The following TMPRSS6 variants were observed in gnomAD, a reference collection of about 807,000 sequenced individuals.
TMPRSS6 encodes transmembrane serine protease 6.
A neutral mutation model predicts 101.5 loss-of-function variants in TMPRSS6; 67 were observed. The observed-to-expected ratio is 0.66, with a 90% CI of 0.54 to 0.81. The LOEUF is 0.81. Ranked by LOEUF, TMPRSS6 falls within the 30% of genes least tolerant of loss-of-function variation. The probability of loss-of-function intolerance (pLI) is 0.00; values close to 1 mark genes in which losing one functional copy is unlikely to be tolerated. For missense variants in TMPRSS6, 1,034 were observed against 1,088.7 expected (o/e 0.95, Z 0.71); for synonymous variants, 453 against 464.9 (o/e 0.97, Z 0.33).
rs1341399341 is a variant in TMPRSS6, at chr22:37,086,401, G to T, written c.855C>A (p.Arg285=). 3 of 1,595,338 alleles carry T rather than the reference G, an allele frequency of 1.9e-6. No homozygotes were observed. The highest frequency in any genetic ancestry group is 2.6e-6 in the Non-Finnish European group (3 of 1,171,038). Residue 285 remains arginine (R), a synonymous_variant, in exon 8 of 18, where the codon CGC becomes CGA. Coordinates refer to ENST00000676104, the MANE Select transcript of TMPRSS6 (RefSeq NM_001374504.1). ...CCAGAACCTCCACCACGGGCTCCTG[G>T]CGGCTGCAGCCGTACACCCTGGCAG... ...RLITSVYGCS[R]QEPVVEVLAS...
Position 37,073,619 on chromosome 22 carries a change from CTT to C in TMPRSS6, c.1466_1467del (p.Lys489ArgfsTer13). 1 of 1,614,058 alleles carries C rather than the reference CTT, an allele frequency of 6.2e-7. No homozygotes were observed. The highest frequency in any genetic ancestry group is 8.5e-7 in the Non-Finnish European group (1 of 1,179,934). On this transcript the variant is annotated frameshift_variant, in exon 13 of 18. Transcript: ENST00000676104. LOFTEE classifies it high-confidence loss of function. ...GGCAGTGAGATGCATGTGCTGTCCT[CTT>C]TGCACTGGAATGTGGCTCTGCAAAC... ...NCVCRATFQC[K>X]EDSTCISLPK...
At chr22:37,106,211 G>C (rs1930702518) in intron 1 of TMPRSS6, among the ~76,000 whole-genome samples, 1 of 152,126 alleles carries the variant, frequency 6.6e-6, no homozygotes, top group Non-Finnish European at 1.5e-5. Context: ...CAGCAGCACA[G>C]CCAGGCTGCA....
chr22:37,108,522 T>C (rs1930856636), intron 1 of TMPRSS6, among the ~76,000 whole-genome samples: 1 of 152,112 alleles, frequency 6.6e-6, no homozygotes, highest in South Asian at 2.1e-4. Context: ...CCTCACTCCC[T>C]CCTGCCCTTC....
chr22:37,100,418 G>A (rs1215807833), intron 2 of TMPRSS6, among the ~76,000 whole-genome samples: 1 of 152,162 alleles, frequency 6.6e-6, no homozygotes, highest in Non-Finnish European at 1.5e-5. Context: ...ATGTCCAGGG[G>A]GACAGAGCCT....
At chr22:37,095,254 G>A (rs1367337863) in intron 6 of TMPRSS6, among the ~76,000 whole-genome samples, 1 of 152,130 alleles carries the variant, frequency 6.6e-6, no homozygotes, top group African/African-American at 2.4e-5. Context: ...ATAGAGGAGA[G>A]TCACGTTCGT....
intron 6 of TMPRSS6, among the ~76,000 whole-genome samples, chr22:37,090,674 G>A (rs1025098800): frequency 3.9e-5 from 6 of 152,194 alleles, no homozygotes; most frequent in Non-Finnish European, 8.8e-5. Context: ...ACACATCTGG[G>A]TTTGCCCAGC....
Position 37,075,180 on chromosome 22 carries a change from C to T in TMPRSS6, c.1297G>A (p.Gly433Arg), listed in dbSNP as rs137853119. ...CCATAGTGCACCCGCACACCGGGCCCGGTGAGGGAGATCTGGGAGGTGAAG... is the reference window on the plus strand; with the variant it reads ...CCATAGTGCACCCGCACACCGGGCCTGGTGAGGGAGATCTGGGAGGTGAAG... ...INFTSQISLT[G>R]PGVRVHYGLY... The change falls in exon 11 of 18, where the codon GGG (glycine) becomes AGG (arginine). Residue 433 changes from glycine to arginine, a missense_variant. Physicochemically the swap from Gly to Arg is moderately radical, Grantham distance 125. Transcript: ENST00000676104. The T allele has an allele frequency of 2.5e-5, 40 of 1,613,892 alleles. No individual in the cohort carries two copies. Among genetic ancestry groups the T allele is most frequent in the African/African-American group, 4.0e-5 (3 of 74,922 alleles).
intron 6 of TMPRSS6, among the ~76,000 whole-genome samples, chr22:37,095,323 C>T (rs7290910): frequency 4.6e-5 from 7 of 152,124 alleles, no homozygotes; most frequent in South Asian, 2.1e-4. Context: ...CACCCGTCTA[C>T]AAGACACACA....
At chr22:37,110,304 G>A (rs1319859740), upstream of TMPRSS6, among the ~76,000 whole-genome samples, 1 of 151,538 alleles carries the variant, frequency 6.6e-6, no homozygotes, top group African/African-American at 2.4e-5. Context: ...CACCATGCCC[G>A]GCTAATTTTC....
Position 37,096,668 on chromosome 22 carries a change from G to A in TMPRSS6, c.384C>T (p.Ser128=). 1.3e-6 allele frequency: 2 copies of A among 1,566,506 alleles called. No individual in the cohort carries two copies. Among genetic ancestry groups the A allele is most frequent in the South Asian group, 1.2e-5 (1 of 84,878 alleles). ...CTCACCCAAAGGAATAGACGGAGCT[G>A]GAGTTGTAGTAAGTTCCCAGGCGGG... ...TSTRLGTYYN[S]SSVYSFGEGP... is the part of the protein sequence containing the mutation. Residue 128 remains serine, a synonymous_variant, in exon 4 of 18, where the codon TCC becomes TCT. Coordinates refer to ENST00000676104, the MANE Select transcript of TMPRSS6 (RefSeq NM_001374504.1).
chr22:37,080,153 A>G (rs2743819), intron 10 of TMPRSS6: 113,943 of 152,306 alleles, frequency 0.75, 43,940 homozygotes, highest in African/African-American at 0.93. Flanking sequence ...TGGAGCAGCC[A>G]TGGCCAGATC....
At chr22:37,087,072 T>C (rs374957456) in intron 7 of TMPRSS6, among the ~76,000 whole-genome samples, 18 of 152,268 alleles carry the variant, frequency 1.2e-4, no homozygotes, top group East Asian at 9.7e-4. Context: ...ATGGCAGAGA[T>C]AGGCCTGCGC....
chr22:37,066,781 C>T (rs1926326081), intron 17 of TMPRSS6, 45 bp downstream of exon 17: 2 of 1,613,468 alleles, frequency 1.2e-6, no homozygotes, highest in Non-Finnish European at 1.7e-6. Flanking sequence ...ATGTGGGCAG[C>T]ATCCTTTCTC....
intron 15 of TMPRSS6, 69 bp downstream of exon 15, chr22:37,070,415 G>A (rs1032399073): frequency 1.3e-6 from 2 of 1,592,014 alleles, no homozygotes; most frequent in Non-Finnish European, 1.7e-6. Flanking sequence ...CTCAGACACA[G>A]TGCACCTCCC....
chr22:37,071,769 G>A (rs1926931774), intron 13 of TMPRSS6, among the ~76,000 whole-genome samples: 1 of 152,220 alleles, frequency 6.6e-6, no homozygotes, highest in Non-Finnish European at 1.5e-5. Context: ...AGACTGAGCA[G>A]ACAAGCCAAT....
chr22:37,105,049 C>T (rs1930627462), intron 1 of TMPRSS6, among the ~76,000 whole-genome samples: 1 of 152,018 alleles, frequency 6.6e-6, no homozygotes, highest in South Asian at 2.1e-4. Context: ...TTTTACACAG[C>T]GGGTTTCCAA....
intron 3 of TMPRSS6, 112 bp downstream of exon 3, chr22:37,098,304 G>A: frequency 6.6e-7 from 1 of 1,508,880 alleles, no homozygotes; most frequent in Non-Finnish European, 9.2e-7. Flanking sequence ...CAGGGCTGTG[G>A]TCCCTGTGAA....
At chr22:37,087,712 G>A (rs1215808524) in intron 7 of TMPRSS6, among the ~76,000 whole-genome samples, 1 of 151,982 alleles carries the variant, frequency 6.6e-6, no homozygotes, top group African/African-American at 2.4e-5. Flanking sequence ...GTCCTTTTTG[G>A]CCTTACCGGC....
In TMPRSS6 at chr22:37,069,210, T is replaced by A; in HGVS notation, c.1976A>T (p.Asp659Val). Residue 659 changes from aspartate (D) to valine (V), a missense_variant, in exon 16 of 18, where the codon GAC (aspartate) becomes GTC (valine). Asp to Val is a radical substitution (Grantham distance 152). Transcript: ENST00000676104. This position sits in a 1 kb window ranked among gnomAD's most constrained non-coding sequence, Gnocchi z 4.8. ...GTGGTCGAGCTGCAGCAGCGCCACG[T>A]CGTAGTCATGGCTGTCCTCTTCGTG... is the stretch of plus-strand genomic sequence containing the variant. ...PYHEEDSHDY[D>V]VALLQLDHPV... The A allele has an allele frequency of 1.9e-6, 3 of 1,607,034 alleles. No homozygotes were observed. Among genetic ancestry groups the A allele is most frequent in the South Asian group, 1.1e-5 (1 of 89,840 alleles).
Sources: gnomAD v4.1 joint callset for allele counts (sites outside exome capture counted in the v4.1 genomes callset) on GRCh38, gnomAD v4.1.1 for gene constraint, Gnocchi (gnomAD v3.1) non-coding constraint, MANE v1.5 for transcripts, NCBI Gene and HGNC (gene_info 2026-07-23, HGNC 2026-07-21) for gene names.